The following PHIP variants were observed in gnomAD, a reference collection of about 807,000 sequenced individuals.
PHIP encodes the protein PH-interacting protein.
In PHIP, 54 loss-of-function variants were observed where a neutral mutation model predicts 236.8. The ratio of observed to expected loss-of-function variants is 0.23; its 90% confidence interval spans 0.18 to 0.29. The LOEUF (loss-of-function observed/expected upper bound fraction) is 0.29. PHIP is among the 10% of genes least tolerant of loss of function. PHIP has a pLI of 1.00. For missense variants in PHIP, 1,370 were observed against 2,190.8 expected (o/e 0.63, Z 7.48); for synonymous variants, 756 against 718.9 (o/e 1.05, Z -0.83).
In PHIP at chr6:78,936,949, A is replaced by G. The variant is rs1773293505; in HGVS notation, c.*3744T>C. On this transcript the variant is annotated 3_prime_UTR_variant, in exon 40 of 40. Transcript: ENST00000275034. ...AAGCAAAGAAAAGTGTATTTTTCAA[A>G]TTTTAATGGGAAAATAAATTCTTGC... 1 of 151,858 alleles carries G rather than the reference A, an allele frequency of 6.6e-6. No homozygotes were observed. Among genetic ancestry groups the G allele is most frequent in the Admixed American group, 6.6e-5 (1 of 15,254 alleles). The allele number at this position is 151,858 out of a possible 1,614,324, so 9.4% of individuals were successfully genotyped here.
chr6:78,967,373 C>T (rs775200438), intron 27 of PHIP, among the ~76,000 whole-genome samples: 8 of 152,154 alleles, frequency 5.3e-5, no homozygotes, highest in African/African-American at 1.4e-4. Context: ...AGAGCTGTAT[C>T]TTATGACCCT....
In PHIP at chr6:78,962,502, C is replaced by T. The variant is rs560204582; in HGVS notation, c.3535+595G>A. 2.0e-5 allele frequency among the ~76,000 whole-genome samples: 3 copies of T among 152,198 alleles called. No individual in the cohort carries two copies. In the South Asian group the frequency reaches 6.2e-4, roughly 32 times the overall value. On this transcript the variant is annotated intron_variant, in intron 30 of 39. Coordinates refer to ENST00000275034, the MANE Select transcript of PHIP (RefSeq NM_017934.7). ...TTCCTCAATCTCCGTGTCCATCCAGCTCTTCTTACTCATGTTAATTTCTCT... is the reference window on the plus strand; with the variant it reads ...TTCCTCAATCTCCGTGTCCATCCAGTTCTTCTTACTCATGTTAATTTCTCT...
intron 24 of PHIP, among the ~76,000 whole-genome samples, chr6:78,973,327 TGAGA>T (rs1427224182): frequency 6.6e-6 from 1 of 150,458 alleles, no homozygotes; most frequent in Admixed American, 6.6e-5. Flanking sequence ...AAGCAAATGC[TGAGA>T]GATTTTGTCA....
intron 6 of PHIP, among the ~76,000 whole-genome samples, chr6:79,057,370 C>A (rs540979607): frequency 2.2e-4 from 34 of 152,144 alleles, no homozygotes; most frequent in African/African-American, 8.0e-4. Flanking sequence ...CAGTAATGCA[C>A]CAATATTGGC....
chr6:79,077,538 C>A (rs771468368), intron 3 of PHIP, 31 bp from the exon 4 acceptor site: 1 of 1,415,376 alleles, frequency 7.1e-7, no homozygotes, highest in Admixed American at 2.3e-5. Flanking sequence ...GTGAGCCCGG[C>A]CCCCGGCCCC....
chr6:79,070,770 C>A (rs1055331984), intron 4 of PHIP, among the ~76,000 whole-genome samples: 1 of 152,194 alleles, frequency 6.6e-6, no homozygotes, highest in African/African-American at 2.4e-5. Context: ...CTCCTGCACA[C>A]TTTAAATCAT....
chr6:79,077,703 C>T lies in PHIP; in HGVS notation c.126G>A (p.Lys42=), dbSNP rs1774252623. 2.0e-6 allele frequency: 2 copies of T among 1,012,392 alleles called. No individual in the cohort carries two copies. The highest frequency in any genetic ancestry group is 1.2e-6 in the Non-Finnish European group (1 of 849,224). The allele number at this position is 1,012,392 out of a possible 1,614,324, so 62.7% of individuals were successfully genotyped here. Residue 42 remains lysine (K), a synonymous_variant, in exon 3 of 40, where the codon AAG becomes AAA. Transcript: ENST00000275034. ...GCCGGGCCGCCGCCGCCCTTACCTC[C>T]TTCTCGGCCACCTCGCGGATCAGCA... ...AQVLIREVAE[K]ELLPRRTDWT... is the part of the protein sequence containing the mutation.
intron 4 of PHIP, among the ~76,000 whole-genome samples, chr6:79,063,790 TTAAAG>T (rs1582311388): frequency 6.6e-6 from 1 of 152,078 alleles, no homozygotes; most frequent in African/African-American, 2.4e-5. Flanking sequence ...ACAAAACAGA[TTAAAG>T]TAAAGGTACT....
intron 39 of PHIP, among the ~76,000 whole-genome samples, chr6:78,941,831 T>G (rs1030492493): frequency 5.9e-5 from 9 of 152,188 alleles, no homozygotes; most frequent in Non-Finnish European, 1.0e-4. Context: ...TGTGCCACCA[T>G]TATCATGATT....
chr6:79,036,760 A>G (rs901992661), intron 7 of PHIP, among the ~76,000 whole-genome samples: 2 of 151,842 alleles, frequency 1.3e-5, no homozygotes, highest in Non-Finnish European at 2.9e-5. Flanking sequence ...TCTCTACTAA[A>G]AATACAAAAA....
At chr6:79,043,337 T>C (rs1446728933) in intron 6 of PHIP, among the ~76,000 whole-genome samples, 2 of 152,114 alleles carry the variant, frequency 1.3e-5, no homozygotes, top group African/African-American at 4.8e-5. Flanking sequence ...AGCATTTATA[T>C]GTTATTTCCT....
At chr6:79,074,640 T>C (rs939706395) in intron 4 of PHIP, among the ~76,000 whole-genome samples, 4 of 152,244 alleles carry the variant, frequency 2.6e-5, no homozygotes, top group African/African-American at 9.6e-5. Flanking sequence ...ATGTTTTAAA[T>C]CTTAAGGTAG....
intron 7 of PHIP, among the ~76,000 whole-genome samples, chr6:79,041,083 G>T (rs1169292776): frequency 1.3e-5 from 2 of 152,060 alleles, no homozygotes; most frequent in South Asian, 4.2e-4. Context: ...GTACAGAGCT[G>T]GATAAATATT....
At chr6:79,054,564 T>C (rs1038482896) in intron 6 of PHIP, among the ~76,000 whole-genome samples, 1 of 151,066 alleles carries the variant, frequency 6.6e-6, no homozygotes, top group Non-Finnish European at 1.5e-5. Flanking sequence ...AAAAGATAAG[T>C]GAACAGGAAA....
At chr6:79,014,293 C>T (rs1770733296) in intron 15 of PHIP, among the ~76,000 whole-genome samples, 1 of 151,608 alleles carries the variant, frequency 6.6e-6, no homozygotes, top group South Asian at 2.1e-4. Flanking sequence ...TAATTCTGAC[C>T]ACATGTACTA....
chr6:78,994,100 A>G (rs1477449099), intron 19 of PHIP, among the ~76,000 whole-genome samples: 1 of 152,228 alleles, frequency 6.6e-6, no homozygotes, highest in Admixed American at 6.5e-5. Flanking sequence ...GATGTAATGG[A>G]AACGGCAAGA....
rs139458644 is a variant in PHIP at position 78,937,393 on chromosome 6, C to T, written c.*3300G>A. 2 of 151,790 alleles carry T rather than the reference C, an allele frequency of 1.3e-5. No homozygotes were observed. The highest frequency in any genetic ancestry group is 3.0e-5 in the Non-Finnish European group (2 of 67,636). The allele number at this position is 151,790 out of a possible 1,614,324, so 9.4% of individuals were successfully genotyped here. On this transcript the variant is annotated 3_prime_UTR_variant, in exon 40 of 40. Coordinates refer to ENST00000275034, the MANE Select transcript of PHIP (RefSeq NM_017934.7). ...CATATAAGATAAAAATATTTGAATA[C>T]ATTTCTTAAAATGTCTGATTCCTCT...
intron 24 of PHIP, among the ~76,000 whole-genome samples, chr6:78,971,403 G>C (rs1320504136): frequency 6.6e-6 from 1 of 152,186 alleles, no homozygotes; most frequent in Non-Finnish European, 1.5e-5. Context: ...CTTGAACACA[G>C]CAGTCTGACA....
intron 19 of PHIP, among the ~76,000 whole-genome samples, chr6:78,993,036 T>C (rs572739040): frequency 1.8e-4 from 27 of 152,318 alleles, no homozygotes; most frequent in Admixed American, 9.8e-4. Flanking sequence ...AGGAATGATA[T>C]GAAAGTGAAG....
Sources: allele counts gnomAD v4.1 joint callset (sites outside exome capture counted in the v4.1 genomes callset), GRCh38; gene constraint gnomAD v4.1.1; transcripts MANE v1.5; gene names NCBI Gene and HGNC (gene_info 2026-07-23, HGNC 2026-07-21).